The following CTNNA2 variants were observed in gnomAD, a reference collection of about 807,000 sequenced individuals.
The protein encoded by CTNNA2 is catenin alpha-2.
Under a neutral mutation model 101.0 loss-of-function variants are expected in CTNNA2, and 42 were observed. That is an observed-to-expected ratio of 0.42 (90% CI 0.32 to 0.54). The LOEUF is 0.54. Among genes scored for constraint, CTNNA2 ranks in the 20% least tolerant of loss-of-function variants. The pLI is 0.14. For missense variants in CTNNA2, 871 were observed against 1,223.1 expected (o/e 0.71, Z 4.29); for synonymous variants, 450 against 456.4 (o/e 0.99, Z 0.18).
intron 9 of CTNNA2, among the ~76,000 whole-genome samples, chr2:80,471,660 G>A (rs1685313426): frequency 6.6e-6 from 1 of 152,178 alleles, no homozygotes; most frequent in South Asian, 2.1e-4. Context: ...CCTCATAGGA[G>A]CCAGTTGTTG....
chr2:79,972,827 A>G, intron 7 of CTNNA2, among the ~76,000 whole-genome samples: 1 of 152,122 alleles, frequency 6.6e-6, no homozygotes, highest in East Asian at 1.9e-4. Flanking sequence ...CTCGTTATTT[A>G]TAGTTTGGCA....
chr2:80,531,143 G>A (rs964595958), intron 9 of CTNNA2, among the ~76,000 whole-genome samples: 3 of 152,098 alleles, frequency 2.0e-5, no homozygotes, highest in African/African-American at 4.8e-5. Flanking sequence ...TCCCTGGTGC[G>A]GTCAAGGACA....
chr2:79,289,462 G>A (rs1675729400), intron 2 of CTNNA2, among the ~76,000 whole-genome samples: 5 of 151,722 alleles, frequency 3.3e-5, no homozygotes, highest in Admixed American at 2.6e-4. Context: ...AGTCGGGTTG[G>A]TTAGAATTCA....
At chr2:79,613,313 A>G (rs1455800139) in intron 1 of CTNNA2, among the ~76,000 whole-genome samples, 1 of 151,642 alleles carries the variant, frequency 6.6e-6, no homozygotes, top group Non-Finnish European at 1.5e-5. Context: ...TTTCAGTTAG[A>G]TAATTTCCGA....
intron 7 of CTNNA2, among the ~76,000 whole-genome samples, chr2:80,056,993 G>A (rs1423117270): frequency 2.6e-5 from 4 of 152,274 alleles, no homozygotes; most frequent in South Asian, 4.2e-4. Flanking sequence ...ATGAGAATTT[G>A]AATTTACATA....
intron 1 of CTNNA2, among the ~76,000 whole-genome samples, chr2:79,554,271 A>G (rs2104078723): frequency 1.3e-5 from 2 of 152,202 alleles, no homozygotes; most frequent in South Asian, 4.1e-4. Context: ...AACTGATACG[A>G]TAGCCTTCTA....
intron 3 of CTNNA2, among the ~76,000 whole-genome samples, chr2:79,825,716 C>T (rs1678384941): frequency 6.6e-6 from 1 of 151,788 alleles, no homozygotes; most frequent in Non-Finnish European, 1.5e-5. Flanking sequence ...TAGGAAATAT[C>T]ATATAGATGA....
At chr2:80,146,934 AT>A (rs1553458522) in intron 7 of CTNNA2, among the ~76,000 whole-genome samples, 3 of 92,310 alleles carry the variant, frequency 3.2e-5, no homozygotes, top group Non-Finnish European at 5.1e-5. Context: ...TGTATTTTGT[AT>A]TTTATTTATT....
At chr2:79,437,386 G>C (rs944304963) in intron 4 of CTNNA2, among the ~76,000 whole-genome samples, 1 of 152,168 alleles carries the variant, frequency 6.6e-6, no homozygotes, top group Admixed American at 6.5e-5. Context: ...CACAAGGCCT[G>C]AGATCCTGCA....
At chr2:80,601,103 C>A (rs1275798531) in intron 15 of CTNNA2, among the ~76,000 whole-genome samples, 1 of 152,140 alleles carries the variant, frequency 6.6e-6, no homozygotes, top group African/African-American at 2.4e-5. Flanking sequence ...AACATTTCAA[C>A]TGGCTTGCCC....
Position 80,318,282 on chromosome 2 carries a change from T to C in CTNNA2, c.1057-74929T>C, listed in dbSNP as rs968350492. 2.6e-5 allele frequency among the ~76,000 whole-genome samples: 4 copies of C among 152,346 alleles called. No homozygotes were observed. In the East Asian group the frequency reaches 7.7e-4, roughly 29 times the overall value. On this transcript the variant is annotated intron_variant, in intron 7 of 18. Coordinates refer to ENST00000402739, the MANE Select transcript of CTNNA2 (RefSeq NM_001282597.3). ...CTTATCTAAAATTAAGAGAGCATTT[T>C]AAGTAAATTTAAATTTACTGTATTA...
At chr2:80,276,203 A>C (rs1321306582) in intron 7 of CTNNA2, among the ~76,000 whole-genome samples, 1 of 152,298 alleles carries the variant, frequency 6.6e-6, no homozygotes, top group East Asian at 1.9e-4. Context: ...ATATTCCACA[A>C]TTCAGAACTA....
chr2:80,468,767 A>G (rs1233745224), intron 9 of CTNNA2, among the ~76,000 whole-genome samples: 2 of 152,194 alleles, frequency 1.3e-5, no homozygotes, highest in East Asian at 1.9e-4. Flanking sequence ...GCAGAATTCA[A>G]TATCACATTG....
At chr2:80,034,422 C>T (rs145171809) in intron 7 of CTNNA2, among the ~76,000 whole-genome samples, 4,250 of 147,174 alleles carry the variant, frequency 0.029, 220 homozygotes, top group African/African-American at 0.1. Context: ...GGCATGATCT[C>T]GACTCACTGC....
chr2:79,536,370 C>T (rs1673061537), intron 1 of CTNNA2, among the ~76,000 whole-genome samples: 1 of 152,110 alleles, frequency 6.6e-6, no homozygotes, highest in African/African-American at 2.4e-5. Flanking sequence ...CAGGTTAATT[C>T]TCCAGTTGGC....
chr2:79,300,425 C>T (rs1020263349), intron 2 of CTNNA2, among the ~76,000 whole-genome samples: 7 of 152,154 alleles, frequency 4.6e-5, no homozygotes, highest in African/African-American at 7.2e-5. Flanking sequence ...TAGAATCCTC[C>T]TGGATCTCAG....
rs570663090 is a variant in CTNNA2, at chr2:80,581,692, C to T, written c.1894-14C>T. 2.6e-6 allele frequency: 4 copies of T among 1,518,740 alleles called. No homozygotes were observed. Among genetic ancestry groups the T allele is most frequent in the Non-Finnish European group, 3.7e-6 (4 of 1,093,832 alleles). The allele number at this position is 1,518,740 out of a possible 1,614,324, so 94.1% of individuals were successfully genotyped here. On this transcript the variant is annotated splice_polypyrimidine_tract_variant and intron_variant, in intron 13 of 18. Transcript: ENST00000402739. ...TCAATTTAAGTATGCTGACTTATAT[C>T]TTTTTGTCTTTAGACCCCAGAAGAA...
intron 4 of CTNNA2, among the ~76,000 whole-genome samples, chr2:79,464,914 G>T (rs370343734): frequency 2.0e-5 from 3 of 151,488 alleles, no homozygotes; most frequent in South Asian, 2.1e-4. Flanking sequence ...TTGCAAAAAT[G>T]TTCTCCCATT....
At chr2:79,739,010 C>T (rs181123138) in intron 2 of CTNNA2, among the ~76,000 whole-genome samples, 1 of 151,788 alleles carries the variant, frequency 6.6e-6, no homozygotes, top group Non-Finnish European at 1.5e-5. Context: ...ACATCAGCTC[C>T]ATCTTTACAT....
Sources: allele counts gnomAD v4.1 joint callset (sites outside exome capture counted in the v4.1 genomes callset), GRCh38; gene constraint gnomAD v4.1.1; transcripts MANE v1.5; gene names NCBI Gene and HGNC (gene_info 2026-07-23, HGNC 2026-07-21).